The following FUT8 variants were observed in gnomAD, a reference collection of about 807,000 sequenced individuals.
FUT8 encodes alpha-(1,6)-fucosyltransferase.
A neutral mutation model predicts 71.3 loss-of-function variants in FUT8; 29 were observed. The ratio of observed to expected loss-of-function variants is 0.41; its 90% CI spans 0.30 to 0.55. FUT8 has a LOEUF of 0.55. Ranked by LOEUF, FUT8 falls within the 20% of genes least tolerant of loss-of-function variation. The probability of loss-of-function intolerance (pLI) is 0.34; values close to 1 mark genes in which losing one functional copy is unlikely to be tolerated. For missense variants in FUT8, 544 were observed against 702.1 expected, an observed-to-expected ratio of 0.77 and a Z score of 2.55; for synonymous variants, 254 against 239.3, an observed-to-expected ratio of 1.06 and a Z score of -0.57.
rs137987676 is a variant in FUT8, at chr14:65,637,484, C to T, written c.597+7878C>T. On this transcript the variant is annotated intron_variant, in intron 6 of 10. Transcript: ENST00000673929. ...CTTGAAATTATCTGTCTCTGATATA[C>T]GAAAATGGATTTTGTTTTCTGCATA... Among the ~76,000 whole-genome samples the T allele has an allele frequency of 4.2e-4, 64 of 152,066 alleles. 1 individual carries two copies. The East Asian group carries it at 0.01, about 24-fold the overall frequency.
intron 2 of FUT8, among the ~76,000 whole-genome samples, chr14:65,497,372 G>C (rs1458099071): frequency 2.0e-5 from 3 of 152,158 alleles, no homozygotes; most frequent in African/African-American, 7.2e-5. Context: ...TTAAAATGTA[G>C]AGTTTTGTGT....
chr14:65,561,168 T>C (rs1445872799), intron 2 of FUT8, among the ~76,000 whole-genome samples, 169 bp from the exon 3 acceptor site: 1 of 152,210 alleles, frequency 6.6e-6, no homozygotes, highest in African/African-American at 2.4e-5. Flanking sequence ...GCTGATTTAA[T>C]ATACAGATTA....
At chr14:65,491,887 C>T (rs1317004252) in intron 2 of FUT8, among the ~76,000 whole-genome samples, 2 of 152,046 alleles carry the variant, frequency 1.3e-5, no homozygotes, top group African/African-American at 4.8e-5. Context: ...CTTTTTGTGC[C>T]TTCTTCCTTA....
intron 2 of FUT8, among the ~76,000 whole-genome samples, chr14:65,495,656 G>C (rs1340121518): frequency 6.6e-6 from 1 of 152,054 alleles, no homozygotes; most frequent in Non-Finnish European, 1.5e-5. Flanking sequence ...GAGATACCAG[G>C]TTAAAATACA....
intron 1 of FUT8, among the ~76,000 whole-genome samples, chr14:65,436,818 G>C (rs2065569113): frequency 6.6e-6 from 1 of 152,010 alleles, no homozygotes; most frequent in African/African-American, 2.4e-5. Context: ...TATATTTACA[G>C]TTATTATCTA....
chr14:65,623,739 C>G (rs192535682), intron 5 of FUT8, among the ~76,000 whole-genome samples: 1 of 152,108 alleles, frequency 6.6e-6, no homozygotes, highest in Non-Finnish European at 1.5e-5. Flanking sequence ...ACAACAACAA[C>G]AAGTTATATT....
At chr14:65,545,234 TTAA>T (rs1262589464) in intron 2 of FUT8, among the ~76,000 whole-genome samples, 1 of 152,056 alleles carries the variant, frequency 6.6e-6, no homozygotes, top group African/African-American at 2.4e-5. Context: ...AAAAAAGATT[TTAA>T]TAAATTCTGT....
At chr14:65,404,478 CTTTTT>C in the FUT8 span, among the ~76,000 whole-genome samples, 2 of 141,226 alleles carry the variant, frequency 1.4e-5, no homozygotes, top group African/African-American at 2.6e-5. Context: ...AGCGTTGTTT[CTTTTT>C]TTTTTCTTTT....
intron 3 of FUT8, among the ~76,000 whole-genome samples, chr14:65,590,188 A>G (rs764246046): frequency 2.6e-5 from 4 of 152,206 alleles, no homozygotes; most frequent in Non-Finnish European, 5.9e-5. Context: ...CTTGCACAAA[A>G]TAAGAATCAT....
At chr14:65,433,786 TTCTCTC>T (rs71126744) in intron 1 of FUT8, among the ~76,000 whole-genome samples, 48,872 of 144,854 alleles carry the variant, frequency 0.34, 9,483 homozygotes, top group Non-Finnish European at 0.45. Flanking sequence ...CTTCTGTCTC[TTCTCTC>T]TCTCTCTCTC....
At chr14:65,683,234 C>T (rs190459486) in intron 7 of FUT8, among the ~76,000 whole-genome samples, 2 of 152,026 alleles carry the variant, frequency 1.3e-5, no homozygotes, top group African/African-American at 2.4e-5. Context: ...AGGCTGGTCT[C>T]GAACTCCTGA....
intron 2 of FUT8, among the ~76,000 whole-genome samples, chr14:65,476,823 C>G (rs562128334): frequency 1.3e-5 from 2 of 152,130 alleles, no homozygotes; most frequent in East Asian, 1.9e-4. Context: ...GAACCTTACT[C>G]ATTTCAGAAA....
At chr14:65,619,853 C>T (rs1255837198) in intron 5 of FUT8, among the ~76,000 whole-genome samples, 3 of 152,148 alleles carry the variant, frequency 2.0e-5, no homozygotes, top group Non-Finnish European at 4.4e-5. Context: ...TTGACCCTAG[C>T]CTACCTCTTT....
At chr14:65,606,936 GT>G (rs553555005) in intron 3 of FUT8, among the ~76,000 whole-genome samples, 41 of 151,954 alleles carry the variant, frequency 2.7e-4, no homozygotes, top group Non-Finnish European at 4.6e-4. Flanking sequence ...GTATGTTGCT[GT>G]TTGTTAGATT....
At position 65,616,322 on chromosome 14, in the gene FUT8, A is replaced by T; in HGVS notation, c.431A>T (p.Glu144Val). Residue 144 changes from glutamate (E) to valine (V), a missense_variant, in exon 5 of 11, where the codon GAA (glutamate) becomes GTA (valine). Glu to Val is a moderately radical substitution (Grantham distance 121). Coordinates refer to ENST00000673929, the MANE Select transcript of FUT8 (RefSeq NM_001371533.1). ...AAATTAAAGAACTTAGAAGGAAATG[A>T]ACTCCAAAGACATGCAGATGAATTT... ...LKKLKNLEGN[E>V]LQRHADEFLL... 1 of 1,612,044 alleles carries T rather than the reference A, an allele frequency of 6.2e-7. No homozygotes were observed. The highest frequency in any genetic ancestry group is 2.2e-5 in the East Asian group (1 of 44,860).
chr14:65,587,020 C>G (rs926538234), intron 3 of FUT8, among the ~76,000 whole-genome samples: 3 of 151,956 alleles, frequency 2.0e-5, no homozygotes, highest in East Asian at 1.9e-4. Flanking sequence ...AACCCCATCT[C>G]TATTAAAAAT....
intron 3 of FUT8, among the ~76,000 whole-genome samples, chr14:65,601,332 C>A (rs1400675487): frequency 6.6e-6 from 1 of 152,054 alleles, no homozygotes; most frequent in Admixed American, 6.5e-5. Context: ...TGAATAAATA[C>A]AATTATTTGT....
chr14:65,572,846 C>G (rs1156703140), intron 3 of FUT8, among the ~76,000 whole-genome samples: 1 of 152,100 alleles, frequency 6.6e-6, no homozygotes, highest in African/African-American at 2.4e-5. Context: ...ACTATTATAG[C>G]TAGAGACTTC....
Position 65,481,697 on chromosome 14 carries a change from A to T in FUT8, c.-228+25979A>T, listed in dbSNP as rs117111260. Among the ~76,000 whole-genome samples the T allele has an allele frequency of 6.2e-3, 939 of 151,668 alleles. 10 individuals carry two copies. The highest frequency in any genetic ancestry group is 0.035 in the East Asian group (183 of 5,174). On this transcript the variant is annotated intron_variant, in intron 2 of 10. Coordinates refer to ENST00000673929, the MANE Select transcript of FUT8 (RefSeq NM_001371533.1). ...AGTGCCTTTTCTAAAGTTTTTTTTT[A>T]AAATGGAACTTCTAGTATATACTTT...
Sources: allele counts gnomAD v4.1 joint callset (sites outside exome capture counted in the v4.1 genomes callset), GRCh38; gene constraint gnomAD v4.1.1; transcripts MANE v1.5; gene names NCBI Gene and HGNC (gene_info 2026-07-23, HGNC 2026-07-21).